LRRC4C: variants seen among roughly 807,000 people sequenced by gnomAD.
LRRC4C encodes the protein leucine-rich repeat-containing protein 4C.
A neutral mutation model predicts 33.6 loss-of-function variants in LRRC4C; 5 were observed. The observed-to-expected ratio is 0.15, with a 90% CI of 0.08 to 0.31. The LOEUF is 0.31. LRRC4C is among the 10% of genes least tolerant of loss of function. LRRC4C has a pLI of 1.00. For missense variants in LRRC4C, 560 were observed against 796.7 expected (o/e 0.70, Z 3.58); for synonymous variants, 329 against 302.0 (o/e 1.09, Z -0.93).
At chr11:40,415,796 G>A (rs898159713) in intron 3 of LRRC4C, among the ~76,000 whole-genome samples, 1 of 152,054 alleles carries the variant, frequency 6.6e-6, no homozygotes, top group Non-Finnish European at 1.5e-5. Flanking sequence ...CAATCAGTAA[G>A]GCTGAAAGTA....
At chr11:40,704,514 T>C (rs1946044851) in intron 2 of LRRC4C, among the ~76,000 whole-genome samples, 1 of 152,114 alleles carries the variant, frequency 6.6e-6, no homozygotes, top group Non-Finnish European at 1.5e-5. Context: ...TTTAGTCCAA[T>C]ACATTAGGTA....
chr11:40,213,990 A>G (rs1246398640), intron 5 of LRRC4C, among the ~76,000 whole-genome samples: 1 of 152,162 alleles, frequency 6.6e-6, no homozygotes, highest in Admixed American at 6.5e-5. Context: ...AGAAAATGGC[A>G]ATAAGAGAAT....
At chr11:41,365,410 AT>A (rs1273966965) in intron 1 of LRRC4C, among the ~76,000 whole-genome samples, 1 of 152,112 alleles carries the variant, frequency 6.6e-6, no homozygotes, top group Non-Finnish European at 1.5e-5. Context: ...TGTAATAATA[AT>A]AGAAATAAAA....
At chr11:40,355,119 C>A (rs561733616) in intron 3 of LRRC4C, among the ~76,000 whole-genome samples, 2 of 152,078 alleles carry the variant, frequency 1.3e-5, no homozygotes, top group African/African-American at 4.8e-5. Context: ...TGTCCAGGAG[C>A]GAGGGCCTGG....
rs550887334 is a variant in LRRC4C at position 41,045,983 on chromosome 11, C to T, written c.-495-112260G>A. ...TGCATTTCATTTTGTATCCTGACTC[C>T]TAAGACCTAAAAAGAACAGAGAACT... On this transcript the variant is annotated intron_variant, in intron 1 of 6. Transcript: ENST00000528697. Among the ~76,000 whole-genome samples, 3 of 152,130 alleles carry T rather than the reference C, an allele frequency of 2.0e-5. No homozygotes were observed. The South Asian group carries it at 6.2e-4, about 32-fold the overall frequency.
At chr11:40,536,707 A>C (rs946639236) in intron 3 of LRRC4C, among the ~76,000 whole-genome samples, 1 of 151,816 alleles carries the variant, frequency 6.6e-6, no homozygotes, top group South Asian at 2.1e-4. Flanking sequence ...TTTTTTTTCA[A>C]ATCTCTACAG....
chr11:40,243,687 CTT>C (rs1274780074), intron 4 of LRRC4C, among the ~76,000 whole-genome samples: 808 of 117,076 alleles, frequency 6.9e-3, no homozygotes, highest in Non-Finnish European at 9.4e-3. Context: ...AAACTTATAT[CTT>C]TTTTTTTTTT....
intron 3 of LRRC4C, among the ~76,000 whole-genome samples, chr11:40,336,606 T>G (rs1319970801): frequency 1.3e-5 from 2 of 152,158 alleles, no homozygotes; most frequent in Non-Finnish European, 2.9e-5. Context: ...TTAGCATCAC[T>G]TCAGTTAATG....
chr11:41,393,986 C>A (rs780895010), intron 1 of LRRC4C, among the ~76,000 whole-genome samples: 1 of 151,908 alleles, frequency 6.6e-6, no homozygotes, highest in Non-Finnish European at 1.5e-5. Context: ...GTCTAGATGT[C>A]AGCCAAAATC....
chr11:41,397,060 T>A (rs1953846856), intron 1 of LRRC4C, among the ~76,000 whole-genome samples: 1 of 151,964 alleles, frequency 6.6e-6, no homozygotes, highest in Admixed American at 6.6e-5. Flanking sequence ...AAATAAGTTA[T>A]TGGGATCATA....
chr11:41,010,661 C>T (rs1414873569), intron 1 of LRRC4C, among the ~76,000 whole-genome samples: 1 of 152,128 alleles, frequency 6.6e-6, no homozygotes, highest in East Asian at 1.9e-4. Flanking sequence ...TCAGTCTAGG[C>T]TAAGCAAGTG....
chr11:40,996,906 C>T (rs1854016768), intron 1 of LRRC4C, among the ~76,000 whole-genome samples: 2 of 152,122 alleles, frequency 1.3e-5, no homozygotes, highest in South Asian at 2.1e-4. Flanking sequence ...ATGAGCCAAA[C>T]ATATGCTACT....
At chr11:41,327,261 T>C (rs576967485) in intron 1 of LRRC4C, among the ~76,000 whole-genome samples, 3 of 152,218 alleles carry the variant, frequency 2.0e-5, no homozygotes, top group Admixed American at 6.5e-5. Flanking sequence ...ACAATGTAGT[T>C]GGTGTGTCGC....
chr11:41,411,242 A>G (rs1954475997), intron 1 of LRRC4C, among the ~76,000 whole-genome samples: 2 of 141,874 alleles, frequency 1.4e-5, no homozygotes, highest in East Asian at 2.1e-4. Flanking sequence ...TCTGCCTCCC[A>G]GGTTCATGCC....
intron 2 of LRRC4C, among the ~76,000 whole-genome samples, chr11:40,668,621 GCT>G (rs1035543355): frequency 3.3e-5 from 5 of 152,166 alleles, no homozygotes; most frequent in Non-Finnish European, 5.9e-5. Context: ...CCTGAGCAAA[GCT>G]CTGTTTCTCA....
intron 1 of LRRC4C, among the ~76,000 whole-genome samples, chr11:41,427,449 C>A (rs1385648720): frequency 1.3e-5 from 2 of 152,072 alleles, no homozygotes; most frequent in Non-Finnish European, 2.9e-5. Flanking sequence ...ATAAAATGTG[C>A]TTTCCAGAGA....
At chr11:40,430,357 G>C (rs1950872737) in intron 3 of LRRC4C, among the ~76,000 whole-genome samples, 1 of 152,062 alleles carries the variant, frequency 6.6e-6, no homozygotes, top group African/African-American at 2.4e-5. Flanking sequence ...ATTGGTGAAG[G>C]ATTATTCATG....
intron 1 of LRRC4C, among the ~76,000 whole-genome samples, chr11:41,311,545 A>G (rs1950643138): frequency 6.6e-6 from 1 of 152,298 alleles, no homozygotes; most frequent in Non-Finnish European, 1.5e-5. Flanking sequence ...TATATGTTCC[A>G]TGTACTTTTT....
chr11:40,911,293 C>T (rs1288105369), intron 2 of LRRC4C, among the ~76,000 whole-genome samples: 1 of 152,114 alleles, frequency 6.6e-6, no homozygotes, highest in African/African-American at 2.4e-5. Context: ...GGGAGGCACC[C>T]CCGAGTAGGG....
Sources: allele counts gnomAD v4.1 joint callset (sites outside exome capture counted in the v4.1 genomes callset), GRCh38; gene constraint gnomAD v4.1.1; transcripts MANE v1.5; gene names NCBI Gene and HGNC (gene_info 2026-07-23, HGNC 2026-07-21).